Variants in MYBPC1 observed in about 807,000 individuals in gnomAD.
The protein encoded by MYBPC1 is myosin binding protein C1.
In MYBPC1, 52 loss-of-function variants were observed where a neutral mutation model predicts 147.1. That is an observed-to-expected ratio of 0.35 (90% confidence interval 0.28 to 0.45). MYBPC1 has a LOEUF of 0.45. Among genes scored for constraint, MYBPC1 ranks in the 20% least tolerant of loss-of-function variants. The pLI is 1.00. For synonymous variants in MYBPC1, 477 were observed against 475.9 expected (o/e 1.00, Z -0.03); for missense variants, 1,228 against 1,440.3 (o/e 0.85, Z 2.39).
chr12:101,648,185 T>C (rs920181034), intron 14 of MYBPC1, 35 bp downstream of exon 14: 18 of 1,489,252 alleles, frequency 1.2e-5, no homozygotes, highest in African/African-American at 6.3e-5. Flanking sequence ...CCATGTTTAA[T>C]AGACAAAAAA....
intron 9 of MYBPC1, among the ~76,000 whole-genome samples, chr12:101,636,111 C>T (rs940855473): frequency 6.6e-6 from 1 of 152,086 alleles, no homozygotes; most frequent in Non-Finnish European, 1.5e-5. Flanking sequence ...AGGAATGCAT[C>T]TTTTAAAAAT....
intron 28 of MYBPC1, among the ~76,000 whole-genome samples, chr12:101,678,660 A>G (rs191088510): frequency 6.6e-6 from 1 of 152,356 alleles, no homozygotes; most frequent in African/African-American, 2.4e-5. Context: ...GTGCTTTGAT[A>G]AGGGTACAGT....
chr12:101,614,632 A>C, intron 2 of MYBPC1, 101 bp downstream of exon 2: 1 of 1,194,554 alleles, frequency 8.4e-7, no homozygotes. Flanking sequence ...GTGAGCTTTA[A>C]CCTAACTCCT....
chr12:101,619,751 T>C (rs984426485), intron 3 of MYBPC1, among the ~76,000 whole-genome samples: 1 of 152,206 alleles, frequency 6.6e-6, no homozygotes, highest in Admixed American at 6.5e-5. Context: ...TTCAGCACTT[T>C]AACTGGTCTT....
intron 30 of MYBPC1, among the ~76,000 whole-genome samples, chr12:101,683,156 G>A (rs1481141496): frequency 5.9e-5 from 9 of 151,552 alleles, no homozygotes; most frequent in African/African-American, 1.2e-4. Context: ...GAGGCTGGGC[G>A]TGATGGTTCT....
rs11110953 is a variant in MYBPC1 at position 101,673,839 on chromosome 12, G to A, written c.2809+217G>A. On this transcript the variant is annotated intron_variant, in intron 25 of 31. Coordinates refer to ENST00000361466, the MANE Select transcript of MYBPC1 (RefSeq NM_002465.4). The stretch of plus-strand genomic sequence containing the variant: ...AGGCCAACGTAGGCGGATCACTTGG[G>A]GTCAGGAGTTCAAGACCAGCCTGGC... Among the ~76,000 whole-genome samples, 3,983 of 152,238 alleles carry A rather than the reference G, an allele frequency of 0.026. 258 individuals are homozygous for A. Among genetic ancestry groups the A allele is most frequent in the East Asian group, 0.25 (1,293 of 5,178 alleles).
chr12:101,595,289 A>G (rs1032762253), intron 1 of MYBPC1, among the ~76,000 whole-genome samples, 194 bp downstream of exon 1: 2 of 152,210 alleles, frequency 1.3e-5, no homozygotes, highest in Non-Finnish European at 2.9e-5. Context: ...AAAATTTCTG[A>G]TAACGATAGT....
At chr12:101,601,226 G>A (rs1002078445) in intron 1 of MYBPC1, among the ~76,000 whole-genome samples, 2 of 152,218 alleles carry the variant, frequency 1.3e-5, no homozygotes. Flanking sequence ...TAAGAAGAGG[G>A]CTTCTGTCCT....
intron 18 of MYBPC1, among the ~76,000 whole-genome samples, chr12:101,654,981 T>C (rs996059875): frequency 2.0e-5 from 3 of 152,154 alleles, no homozygotes; most frequent in African/African-American, 7.2e-5. Flanking sequence ...TACAAAAATA[T>C]CAAGCACCCA....
chr12:101,652,737 C>T lies in MYBPC1; in HGVS notation c.1586C>T (p.Ala529Val), dbSNP rs1894751416. The change falls in exon 17 of 32, where the codon GCA (alanine) becomes GTA (valine). Residue 529 changes from alanine (A) to valine (V), a missense_variant. Ala to Val is a moderately conservative substitution (Grantham distance 64). Transcript: ENST00000361466. ...GAAGATGAAGGTGATTATGTATTTG[C>T]ACCTGATGCCTACAATGTTACTCTG... ...LTEDEGDYVF[A>V]PDAYNVTLPA... 6 of 1,613,852 alleles carry T rather than the reference C, an allele frequency of 3.7e-6. No homozygotes were observed. Among genetic ancestry groups the T allele is most frequent in the Admixed American group, 1.7e-5 (1 of 60,004 alleles).
At chr12:101,634,687 T>G in intron 9 of MYBPC1, 82 bp downstream of exon 9, 1 of 1,110,662 alleles carries the variant, frequency 9.0e-7, no homozygotes, top group South Asian at 1.2e-5. Flanking sequence ...TTCCCCTGTA[T>G]TCCGTATTCC....
chr12:101,611,230 T>C (rs1884181647), intron 1 of MYBPC1, among the ~76,000 whole-genome samples: 1 of 152,242 alleles, frequency 6.6e-6, no homozygotes. Context: ...TGCCATTCTC[T>C]CTGATAGAGT....
downstream of MYBPC1, among the ~76,000 whole-genome samples, chr12:101,690,075 T>C (rs1450034284): frequency 2.6e-5 from 4 of 152,202 alleles, no homozygotes; most frequent in South Asian, 6.2e-4. Flanking sequence ...CTCGGGAGGC[T>C]GAGGCAGAAG....
At chr12:101,637,208 G>A (rs1455091074) in intron 10 of MYBPC1, 1 of 156,742 alleles carries the variant, frequency 6.4e-6, no homozygotes, top group African/African-American at 2.4e-5. Context: ...GTTCCAAATG[G>A]TTTGACACAC....
chr12:101,659,500 CAT>C (rs757595938), intron 18 of MYBPC1, among the ~76,000 whole-genome samples, 170 bp from the exon 19 acceptor site: 1 of 152,102 alleles, frequency 6.6e-6, no homozygotes, highest in Admixed American at 6.5e-5. Flanking sequence ...ACTGAGAAAA[CAT>C]ATAATAGGCA....
chr12:101,685,805 T>TAAA lies in MYBPC1; in HGVS notation c.*243_*244insAAA. The TAAA allele has an allele frequency of 1.9e-6, 1 of 536,718 alleles. No individual in the cohort carries two copies. Among genetic ancestry groups the TAAA allele is most frequent in the Non-Finnish European group, 2.9e-6 (1 of 347,314 alleles). 33.2% of individuals were successfully genotyped at this position (536,718 alleles called of 1,614,324 possible). On this transcript the variant is annotated 3_prime_UTR_variant, in exon 32 of 32. Coordinates refer to ENST00000361466, the MANE Select transcript of MYBPC1 (RefSeq NM_002465.4). ...TGGTCTTTTTCTTTCCTCCTAATGT[T>TAAA]GAAGAGAAAAAAAAAAAAAAAAGTT...
chr12:101,645,107 A>G (rs182516269), intron 12 of MYBPC1, among the ~76,000 whole-genome samples: 34 of 152,346 alleles, frequency 2.2e-4, no homozygotes, highest in African/African-American at 7.0e-4. Flanking sequence ...AAAAAATAAA[A>G]TTGAAAAATA....
chr12:101,690,972 C>T (rs73163703), downstream of MYBPC1, among the ~76,000 whole-genome samples: 9,211 of 152,262 alleles, frequency 0.06, 395 homozygotes, highest in African/African-American at 0.11. Flanking sequence ...ACAAATACCC[C>T]AGCCTGTGTA....
chr12:101,637,256 T>C (rs1891187467), intron 10 of MYBPC1: 1 of 153,394 alleles, frequency 6.5e-6, no homozygotes, highest in Non-Finnish European at 1.5e-5. Flanking sequence ...CAGAGGTCTT[T>C]AAAATGCCTC....
Sources: allele counts gnomAD v4.1 joint callset (sites outside exome capture counted in the v4.1 genomes callset), GRCh38; gene constraint gnomAD v4.1.1; transcripts MANE v1.5; gene names NCBI Gene and HGNC (gene_info 2026-07-23, HGNC 2026-07-21).